STXBP5L: variants seen among roughly 807,000 people sequenced by gnomAD.
STXBP5L encodes syntaxin binding protein 5L.
STXBP5L carries 65 observed loss-of-function variants against 144.5 expected under a neutral mutation model. The ratio of observed to expected loss-of-function variants is 0.45; its 90% CI spans 0.37 to 0.55. The LOEUF (loss-of-function observed/expected upper bound fraction) is 0.55. Among genes scored for constraint, STXBP5L ranks in the 20% least tolerant of loss-of-function variants. The probability of loss-of-function intolerance (pLI) is 0.00; values close to 1 mark genes in which losing one functional copy is unlikely to be tolerated. For missense variants in STXBP5L, 1,298 were observed against 1,405.5 expected, an observed-to-expected ratio of 0.92 and a Z score of 1.22; for synonymous variants, 505 against 469.6, an observed-to-expected ratio of 1.08 and a Z score of -0.97.
intron 7 of STXBP5L, among the ~76,000 whole-genome samples, chr3:121,132,407 C>G (rs139392378): frequency 6.6e-6 from 1 of 152,320 alleles, no homozygotes; most frequent in Non-Finnish European, 1.5e-5. Flanking sequence ...GATGCCATAG[C>G]TACCCCACTG....
At chr3:121,159,888 T>C (rs1489621346) in intron 9 of STXBP5L, among the ~76,000 whole-genome samples, 1 of 152,114 alleles carries the variant, frequency 6.6e-6, no homozygotes, top group African/African-American at 2.4e-5. Flanking sequence ...CGCCTCAGCC[T>C]CCCAAAGTGC....
intron 9 of STXBP5L, among the ~76,000 whole-genome samples, chr3:121,187,054 C>T (rs2047413485): frequency 6.6e-6 from 1 of 152,052 alleles, no homozygotes; most frequent in South Asian, 2.1e-4. Context: ...CCCAGCCATC[C>T]CATTACTGGG....
At chr3:121,385,163 C>T (rs1176956492) in intron 22 of STXBP5L, among the ~76,000 whole-genome samples, 2 of 151,982 alleles carry the variant, frequency 1.3e-5, no homozygotes, top group African/African-American at 4.8e-5. Context: ...AAATGAATAC[C>T]TGAGATTGGG....
At chr3:120,952,149 CTG>C (rs1711292039) in intron 2 of STXBP5L, among the ~76,000 whole-genome samples, 1 of 117,638 alleles carries the variant, frequency 8.5e-6, no homozygotes, top group South Asian at 2.8e-4. Flanking sequence ...ACTCTGGGGA[CTG>C]TTGTGGGGTG....
At chr3:120,955,099 T>A in intron 3 of STXBP5L, 62 bp downstream of exon 3, 1 of 1,178,412 alleles carries the variant, frequency 8.5e-7, no homozygotes, top group Non-Finnish European at 1.2e-6. Flanking sequence ...CTTTAAATAT[T>A]CAGGTAAGAT....
intron 3 of STXBP5L, among the ~76,000 whole-genome samples, chr3:121,009,798 GATC>G (rs1157337020): frequency 1.3e-5 from 2 of 151,714 alleles, no homozygotes; most frequent in Admixed American, 1.3e-4. Flanking sequence ...TTTTTTTCTA[GATC>G]ATCTATTTAG....
intron 2 of STXBP5L, among the ~76,000 whole-genome samples, chr3:120,939,692 C>T (rs573266132): frequency 2.0e-5 from 3 of 152,180 alleles, no homozygotes; most frequent in East Asian, 1.9e-4. Context: ...TTTCAATCGT[C>T]GAACATAACG....
At chr3:120,970,261 CT>C (rs1466076654) in intron 3 of STXBP5L, among the ~76,000 whole-genome samples, 1 of 152,030 alleles carries the variant, frequency 6.6e-6, no homozygotes, top group African/African-American at 2.4e-5. Flanking sequence ...CTGAATTAGT[CT>C]TTTTTTCTTT....
At chr3:120,909,993 T>C (rs470647) in intron 2 of STXBP5L, among the ~76,000 whole-genome samples, 57,120 of 151,980 alleles carry the variant, frequency 0.38, 10,938 homozygotes, top group Non-Finnish European at 0.4. Context: ...AAAAGTAGAA[T>C]TTGCAAGATA....
intron 3 of STXBP5L, among the ~76,000 whole-genome samples, chr3:120,966,380 C>T (rs988560951): frequency 3.9e-5 from 6 of 152,156 alleles, no homozygotes; most frequent in African/African-American, 1.4e-4. Context: ...TTAGAATTTT[C>T]AGCTTTTCTG....
chr3:121,019,173 A>G (rs1053763197), intron 3 of STXBP5L, among the ~76,000 whole-genome samples: 6 of 152,220 alleles, frequency 3.9e-5, no homozygotes, highest in African/African-American at 1.2e-4. Flanking sequence ...ATGTATCTCC[A>G]TTGGCCTGAA....
At chr3:121,312,960 C>T (rs996902355) in intron 19 of STXBP5L, among the ~76,000 whole-genome samples, 3 of 152,238 alleles carry the variant, frequency 2.0e-5, no homozygotes, top group Admixed American at 6.5e-5. Flanking sequence ...TGGCCCATCA[C>T]CAATGAGCCG....
chr3:121,019,074 G>A (rs751820779), intron 3 of STXBP5L, among the ~76,000 whole-genome samples: 2 of 152,156 alleles, frequency 1.3e-5, no homozygotes, highest in Non-Finnish European at 2.9e-5. Flanking sequence ...AGGCTGCCTG[G>A]GAACTGGGTC....
At chr3:121,051,172 T>A (rs890589965) in intron 5 of STXBP5L, among the ~76,000 whole-genome samples, 4 of 152,092 alleles carry the variant, frequency 2.6e-5, no homozygotes, top group African/African-American at 4.8e-5. Context: ...ATTAGACAGA[T>A]CAACGAGACA....
At chr3:120,963,031 G>T (rs904014119) in intron 3 of STXBP5L, among the ~76,000 whole-genome samples, 1 of 152,052 alleles carries the variant, frequency 6.6e-6, no homozygotes, top group African/African-American at 2.4e-5. Flanking sequence ...TATTCTCTTT[G>T]TAGCCGTTGT....
chr3:121,176,810 A>T lies in STXBP5L; in HGVS notation c.877+19183A>T, dbSNP rs61351772. 8.8e-3 allele frequency among the ~76,000 whole-genome samples: 1,325 copies of T among 151,336 alleles called. 16 individuals carry two copies. The highest frequency in any genetic ancestry group is 0.03 in the African/African-American group (1,243 of 41,124). On this transcript the variant is annotated intron_variant, in intron 9 of 26. Coordinates refer to ENST00000471454, the MANE Select transcript of STXBP5L (RefSeq NM_001308330.2). ...AAACATGAAATGAAGGAGTTTTTTTAAAAAAAAGCAGAGCAGAAAGTAATA... is the reference window on the plus strand; with the variant it reads ...AAACATGAAATGAAGGAGTTTTTTTTAAAAAAAGCAGAGCAGAAAGTAATA...
chr3:121,317,399 A>G (rs530844838), intron 19 of STXBP5L, among the ~76,000 whole-genome samples: 4 of 152,308 alleles, frequency 2.6e-5, no homozygotes, highest in African/African-American at 9.6e-5. Flanking sequence ...TCTCACTTAT[A>G]AAACACAAGA....
chr3:121,282,518 C>T (rs1043028912), intron 19 of STXBP5L, among the ~76,000 whole-genome samples: 24 of 151,854 alleles, frequency 1.6e-4, no homozygotes, highest in African/African-American at 5.3e-4. Context: ...TATTTCAATC[C>T]ATTTTTGTCC....
intron 7 of STXBP5L, among the ~76,000 whole-genome samples, chr3:121,124,548 G>T (rs2044617415): frequency 6.6e-6 from 1 of 151,900 alleles, no homozygotes; most frequent in African/African-American, 2.4e-5. Context: ...TATTGCTCTT[G>T]TGACTTGTGA....
Sources: allele counts gnomAD v4.1 joint callset (sites outside exome capture counted in the v4.1 genomes callset), GRCh38; gene constraint gnomAD v4.1.1; transcripts MANE v1.5; gene names NCBI Gene and HGNC (gene_info 2026-07-23, HGNC 2026-07-21).